Variants in VPS13B observed in about 807,000 individuals in gnomAD.
The protein encoded by VPS13B is intermembrane lipid transfer protein VPS13B.
Under a neutral mutation model 426.4 loss-of-function variants are expected in VPS13B, and 285 were observed. The ratio of observed to expected loss-of-function variants is 0.67; its 90% CI spans 0.61 to 0.74. The LOEUF (loss-of-function observed/expected upper bound fraction) is 0.74. VPS13B is among the 30% of genes least tolerant of loss of function. VPS13B has a pLI of 0.00. For missense variants in VPS13B, 4,537 were observed against 4,782.6 expected (o/e 0.95, Z 1.51); for synonymous variants, 1,676 against 1,676.4 (o/e 1.00, Z 0.01).
At chr8:99,831,788 C>T (rs1815077539) in intron 51 of VPS13B, among the ~76,000 whole-genome samples, 2 of 152,230 alleles carry the variant, frequency 1.3e-5, no homozygotes, top group African/African-American at 4.8e-5. Flanking sequence ...TGTAGGATGG[C>T]ACGGTTATAT....
intron 17 of VPS13B, among the ~76,000 whole-genome samples, chr8:99,206,806 T>C (rs1029954735): frequency 3.3e-5 from 5 of 152,172 alleles, no homozygotes; most frequent in Admixed American, 1.3e-4. Context: ...GGTATATTGA[T>C]ATGATTTTTC....
At chr8:99,805,224 G>A (rs898218513) in intron 43 of VPS13B, among the ~76,000 whole-genome samples, 7 of 150,112 alleles carry the variant, frequency 4.7e-5, no homozygotes, top group African/African-American at 1.7e-4. Context: ...TTACTGTAGG[G>A]TAAATTACTA....
At chr8:99,343,061 A>G (rs1337751487) in intron 19 of VPS13B, among the ~76,000 whole-genome samples, 1 of 150,542 alleles carries the variant, frequency 6.6e-6, no homozygotes, top group African/African-American at 2.4e-5. Flanking sequence ...AGAGACACAA[A>G]TGGCAAATGT....
At chr8:99,859,054 G>A (rs986078011) in intron 56 of VPS13B, among the ~76,000 whole-genome samples, 7 of 152,150 alleles carry the variant, frequency 4.6e-5, no homozygotes, top group Non-Finnish European at 1.0e-4. Flanking sequence ...GGGAGGCTTG[G>A]GCAAGGCAGT....
chr8:99,640,043 GAAGAAGAGAAAAGAAAAGAA>G (rs1475112856), intron 33 of VPS13B, among the ~76,000 whole-genome samples: 11 of 82,186 alleles, frequency 1.3e-4, no homozygotes, highest in African/African-American at 4.8e-4. Context: ...AGAAGAAGAA[GAAGAAGAGAAAAGAAAAGAA>G]AAGAAAAGAA....
chr8:99,468,310 A>C (rs1276416911), intron 24 of VPS13B, among the ~76,000 whole-genome samples: 1 of 152,108 alleles, frequency 6.6e-6, no homozygotes, highest in Non-Finnish European at 1.5e-5. Context: ...AGGGTAAATA[A>C]ACAAGGGTTA....
chr8:99,315,042 T>G (rs987898456), intron 19 of VPS13B, among the ~76,000 whole-genome samples: 5 of 152,308 alleles, frequency 3.3e-5, no homozygotes, highest in African/African-American at 1.2e-4. Context: ...AGCATATAGT[T>G]AGATCATGTT....
rs531646878 is a variant in VPS13B at position 99,546,350 on chromosome 8, G to A, written c.4746-10100G>A. ...ATCATGTTTAATTTGAAGTCTTACA[G>A]TTTTTCATCCAACAACATACAAATA... On this transcript the variant is annotated intron_variant, in intron 30 of 61. Transcript: ENST00000357162. Among the ~76,000 whole-genome samples, 3 of 151,802 alleles carry A rather than the reference G, an allele frequency of 2.0e-5. No homozygotes were observed. The South Asian group carries it at 6.2e-4, about 32-fold the overall frequency.
intron 19 of VPS13B, among the ~76,000 whole-genome samples, chr8:99,374,999 T>C (rs767998640): frequency 7.9e-5 from 12 of 152,232 alleles, no homozygotes; most frequent in Non-Finnish European, 1.6e-4. Flanking sequence ...TTCATTCTCC[T>C]GCTTCGCACT....
chr8:99,060,382 G>A lies in VPS13B; in HGVS notation c.291+21816G>A, dbSNP rs1247671077. Among the ~76,000 whole-genome samples, 3 of 152,292 alleles carry A rather than the reference G, an allele frequency of 2.0e-5. No individual in the cohort carries two copies. In the East Asian group the frequency reaches 5.8e-4, roughly 29 times the overall value. ...CCAGCACTTTGGGAGGCTGAGGCAG[G>A]TGGATCACTTGAGGTTAGGAGTTCG... On this transcript the variant is annotated intron_variant, in intron 3 of 61. Coordinates refer to ENST00000357162, the MANE Select transcript of VPS13B (RefSeq NM_152564.5).
intron 19 of VPS13B, among the ~76,000 whole-genome samples, chr8:99,345,312 T>A (rs1160944208): frequency 6.6e-6 from 1 of 152,184 alleles, no homozygotes; most frequent in Non-Finnish European, 1.5e-5. Flanking sequence ...CTGCCCACCT[T>A]AACCTTCTTT....
At chr8:99,631,559 A>G (rs1006098326) in intron 33 of VPS13B, among the ~76,000 whole-genome samples, 1 of 152,094 alleles carries the variant, frequency 6.6e-6, no homozygotes, top group East Asian at 1.9e-4. Context: ...GGCATAACAC[A>G]TAGACAGGTT....
chr8:99,836,437 C>T (rs1815397061), intron 54 of VPS13B, among the ~76,000 whole-genome samples: 1 of 138,116 alleles, frequency 7.2e-6, no homozygotes, highest in African/African-American at 2.6e-5. Flanking sequence ...CCTCCTCCAT[C>T]CCCTGGTAGC....
At chr8:99,178,915 C>T (rs1234597126) in intron 16 of VPS13B, among the ~76,000 whole-genome samples, 1 of 152,126 alleles carries the variant, frequency 6.6e-6, no homozygotes, top group Admixed American at 6.5e-5. Flanking sequence ...AGCCACTGCG[C>T]CCGCCCTAGA....
intron 51 of VPS13B, among the ~76,000 whole-genome samples, chr8:99,831,496 T>G (rs1180101062): frequency 1.3e-5 from 2 of 152,164 alleles, no homozygotes; most frequent in Non-Finnish European, 2.9e-5. Flanking sequence ...CACTTTTACC[T>G]CCTGCTTTCA....
chr8:99,196,207 T>G (rs188301566), intron 17 of VPS13B, among the ~76,000 whole-genome samples: 183 of 151,262 alleles, frequency 1.2e-3, no homozygotes, highest in African/African-American at 3.6e-3. Flanking sequence ...TTTATTTGTG[T>G]TTTTTTTTAG....
intron 19 of VPS13B, among the ~76,000 whole-genome samples, chr8:99,284,368 TA>T (rs2133027015): frequency 1.3e-5 from 2 of 152,308 alleles, no homozygotes; most frequent in South Asian, 4.1e-4. Context: ...ATTTATTGCC[TA>T]TTTTTTGTGC....
At chr8:99,086,418 C>G (rs188721746) in intron 3 of VPS13B, among the ~76,000 whole-genome samples, 4 of 152,158 alleles carry the variant, frequency 2.6e-5, no homozygotes, top group Non-Finnish European at 4.4e-5. Flanking sequence ...CCTCCTTTAG[C>G]TCAGAGTAGT....
Position 99,818,488 on chromosome 8 carries a change from G to T in VPS13B, c.8399G>T (p.Cys2800Phe). The T allele has an allele frequency of 6.2e-7, 1 of 1,613,980 alleles. No individual in the cohort carries two copies. Among genetic ancestry groups the T allele is most frequent in the Non-Finnish European group, 8.5e-7 (1 of 1,179,950 alleles). Residue 2800 changes from cysteine (C) to phenylalanine (F), a missense_variant, in exon 46 of 62, where the codon TGC becomes TTC. Physicochemically the swap from Cys to Phe is radical, Grantham distance 205 (BLOSUM62 -2). This residue lies in a region of VPS13B where 4,311 missense variants were observed against 4,474.3 expected (regional missense o/e 0.96). Coordinates refer to ENST00000357162, the MANE Select transcript of VPS13B (RefSeq NM_152564.5). The part of the protein sequence containing the change: ...SSNSSIIYVW[C>F]TVLTLEPNSQ... ...AACAGTTCCATTATTTATGTCTGGTGCACAGTTTTGACTTTAGAACCCAAC... is the reference window on the plus strand; with the variant it reads ...AACAGTTCCATTATTTATGTCTGGTTCACAGTTTTGACTTTAGAACCCAAC...
Sources: gnomAD v4.1 joint callset for allele counts (sites outside exome capture counted in the v4.1 genomes callset) on GRCh38, gnomAD v4.1.1 for gene constraint, gnomAD v4.1.1 regional missense constraint, MANE v1.5 for transcripts, NCBI Gene and HGNC (gene_info 2026-07-23, HGNC 2026-07-21) for gene names.